CCDC102B: variants seen among roughly 807,000 people sequenced by gnomAD.
The protein encoded by CCDC102B is coiled-coil domain containing 102B.
CCDC102B carries 75 observed loss-of-function variants against 57.4 expected under a neutral mutation model. That is an observed-to-expected ratio of 1.31 (90% CI 1.08 to 1.58). The LOEUF is 1.58. CCDC102B is among the 40% of genes most tolerant of loss of function. The pLI, the probability that CCDC102B is intolerant of heterozygous loss-of-function variation, is 0.00. For synonymous variants in CCDC102B, 206 were observed against 201.9 expected (o/e 1.02, Z -0.17); for missense variants, 636 against 582.6 (o/e 1.09, Z -0.94).
chr18:68,785,912 G>A (rs1363531296), intron 2 of CCDC102B, among the ~76,000 whole-genome samples: 1 of 151,228 alleles, frequency 6.6e-6, no homozygotes, highest in Non-Finnish European at 1.5e-5. Context: ...CCATGCCTAT[G>A]TCCTGAATGG....
intron 6 of CCDC102B, among the ~76,000 whole-genome samples, chr18:68,951,183 G>C (rs905570758): frequency 1.3e-5 from 2 of 152,054 alleles, no homozygotes; most frequent in African/African-American, 2.4e-5. Flanking sequence ...AATAAACACA[G>C]ATGATGTTAG....
chr18:68,779,878 AT>A (rs1350485972), intron 2 of CCDC102B, among the ~76,000 whole-genome samples: 1 of 152,096 alleles, frequency 6.6e-6, no homozygotes, highest in Non-Finnish European at 1.5e-5. Context: ...CATTCCACCC[AT>A]TTAAAATGTA....
intron 6 of CCDC102B, among the ~76,000 whole-genome samples, chr18:68,917,475 T>C (rs1417367014): frequency 6.6e-6 from 1 of 152,224 alleles, no homozygotes; most frequent in East Asian, 1.9e-4. Flanking sequence ...TATACTTAGC[T>C]AGTGTAGCTA....
At chr18:68,743,111 A>G (rs1258157466) in intron 2 of CCDC102B, among the ~76,000 whole-genome samples, 1 of 152,064 alleles carries the variant, frequency 6.6e-6, no homozygotes, top group Non-Finnish European at 1.5e-5. Flanking sequence ...CACACCTGTA[A>G]TCCCAGCACT....
chr18:69,045,237 A>G (rs989299912), intron 7 of CCDC102B, among the ~76,000 whole-genome samples: 26 of 152,134 alleles, frequency 1.7e-4, no homozygotes, highest in African/African-American at 6.3e-4. Context: ...TAAATTATTC[A>G]TGAAGCATTC....
At chr18:68,807,070 GACCTT>G (rs773555695) in intron 1 of CCDC102B, among the ~76,000 whole-genome samples, 4 of 152,070 alleles carry the variant, frequency 2.6e-5, no homozygotes, top group Non-Finnish European at 5.9e-5. Flanking sequence ...GAGTTTGAAC[GACCTT>G]ATCAAGGAAG....
chr18:68,810,079 GA>G (rs946208586), intron 1 of CCDC102B, among the ~76,000 whole-genome samples: 66 of 152,182 alleles, frequency 4.3e-4, no homozygotes, highest in Middle Eastern at 6.8e-3. Flanking sequence ...TTTGTATAAA[GA>G]TTTTTTAGTC....
At chr18:68,978,281 T>C (rs1568364602) in intron 6 of CCDC102B, among the ~76,000 whole-genome samples, 1 of 152,020 alleles carries the variant, frequency 6.6e-6, no homozygotes, top group Non-Finnish European at 1.5e-5. Flanking sequence ...CCCCTCTTTA[T>C]ATTGTCTAGA....
intron 6 of CCDC102B, among the ~76,000 whole-genome samples, chr18:69,009,103 G>A (rs2051430079): frequency 6.6e-6 from 1 of 152,064 alleles, no homozygotes; most frequent in African/African-American, 2.4e-5. Context: ...CTGACTTTAT[G>A]TGCATTTTTA....
chr18:68,993,343 A>G (rs1343703569), intron 6 of CCDC102B: 1 of 152,250 alleles, frequency 6.6e-6, no homozygotes, highest in East Asian at 1.9e-4. Flanking sequence ...GACTCTGCTA[A>G]CTATCAAACA....
chr18:69,030,423 C>T (rs886418537), intron 7 of CCDC102B, among the ~76,000 whole-genome samples: 2 of 152,052 alleles, frequency 1.3e-5, no homozygotes, highest in African/African-American at 4.8e-5. Context: ...GGCCTGGTTA[C>T]AAAATAATGA....
intron 4 of CCDC102B, among the ~76,000 whole-genome samples, chr18:68,863,121 A>G (rs1212488863): frequency 6.6e-6 from 1 of 151,724 alleles, no homozygotes; most frequent in African/African-American, 2.4e-5. Context: ...ACTTTATTTG[A>G]ATCAGAAATC....
At chr18:68,901,038 A>T (rs2040432066) in intron 6 of CCDC102B, among the ~76,000 whole-genome samples, 1 of 152,232 alleles carries the variant, frequency 6.6e-6, no homozygotes, top group African/African-American at 2.4e-5. Flanking sequence ...TGTGTAAAAT[A>T]GCTTAATGAT....
intron 6 of CCDC102B, among the ~76,000 whole-genome samples, chr18:68,910,367 A>G (rs894260178): frequency 1.3e-5 from 2 of 152,206 alleles, no homozygotes; most frequent in South Asian, 4.1e-4. Flanking sequence ...AACTCTTTTT[A>G]GGATGTTTAG....
chr18:68,896,775 GAGAT>G (rs1599651224), intron 5 of CCDC102B, among the ~76,000 whole-genome samples: 1 of 151,838 alleles, frequency 6.6e-6, no homozygotes, highest in Admixed American at 6.6e-5. Context: ...GAGAGATAGA[GAGAT>G]AGAGATAGAG....
At chr18:68,736,796 C>T (rs1252607619) in intron 2 of CCDC102B, among the ~76,000 whole-genome samples, 1 of 152,140 alleles carries the variant, frequency 6.6e-6, no homozygotes, top group Non-Finnish European at 1.5e-5. Flanking sequence ...CCATGGGTCC[C>T]TCCCACAACA....
intron 7 of CCDC102B, among the ~76,000 whole-genome samples, chr18:69,030,726 C>G (rs2052117239): frequency 6.6e-6 from 1 of 152,164 alleles, no homozygotes; most frequent in Admixed American, 6.5e-5. Context: ...GTGATCTCGG[C>G]TCACTGCAAC....
At chr18:68,916,509 A>C (rs1180146859) in intron 6 of CCDC102B, among the ~76,000 whole-genome samples, 1 of 152,166 alleles carries the variant, frequency 6.6e-6, no homozygotes, top group Non-Finnish European at 1.5e-5. Flanking sequence ...ATCTAAATCT[A>C]ATCTGCAGCT....
At chr18:68,842,005 C>T (rs2037656427) in intron 3 of CCDC102B, among the ~76,000 whole-genome samples, 1 of 152,112 alleles carries the variant, frequency 6.6e-6, no homozygotes, top group African/African-American at 2.4e-5. Flanking sequence ...TCCCAAAGTG[C>T]TAGGATTACA....
Sources: allele counts gnomAD v4.1 joint callset (sites outside exome capture counted in the v4.1 genomes callset), GRCh38; gene constraint gnomAD v4.1.1; transcripts MANE v1.5; gene names NCBI Gene and HGNC (gene_info 2026-07-23, HGNC 2026-07-21).